The following ENOSF1 variants were observed in gnomAD, a reference collection of about 807,000 sequenced individuals.
The protein encoded by ENOSF1 is mitochondrial enolase superfamily member 1.
A neutral mutation model predicts 68.2 loss-of-function variants in ENOSF1; 73 were observed. The observed-to-expected ratio is 1.07, with a 90% CI of 0.89 to 1.30. The LOEUF is 1.30. ENOSF1 is among the 50% of genes most tolerant of loss of function. ENOSF1 has a pLI of 0.00. For synonymous variants in ENOSF1, 223 were observed against 210.4 expected (o/e 1.06, Z -0.52); for missense variants, 589 against 554.5 (o/e 1.06, Z -0.62).
chr18:677,457 C>A lies in ENOSF1; in HGVS notation c.1049-13G>T, dbSNP rs775312561. 7 of 1,609,386 alleles carry A rather than the reference C, an allele frequency of 4.3e-6. No individual in the cohort carries two copies. Among genetic ancestry groups the A allele is most frequent in the Non-Finnish European group, 5.9e-6 (7 of 1,178,134 alleles). On this transcript the variant is annotated splice_polypyrimidine_tract_variant and intron_variant, in intron 13 of 15. Transcript: ENST00000647584. The stretch of plus-strand genomic sequence containing the variant: ...GGGCAAACAGGAACTAAAAGGAAAT[C>A]GTTTCTATTTAATACCAAGAGTAGG...
chr18:693,206 C>T (rs1270641878), intron 5 of ENOSF1: 2 of 1,289,134 alleles, frequency 1.6e-6, no homozygotes, highest in South Asian at 1.2e-5. Context: ...AGAAAGAAAA[C>T]AGTCAAGTGC....
downstream of ENOSF1, among the ~76,000 whole-genome samples, chr18:668,104 C>A (rs1032699621): frequency 2.0e-5 from 3 of 149,434 alleles, no homozygotes; most frequent in African/African-American, 7.4e-5. Context: ...TTGGTGCATT[C>A]CTCAGAGTTG....
In ENOSF1 at chr18:673,710, GTTTTT is replaced by G. The variant is rs10610259; in HGVS notation, c.*590_*594del. On this transcript the variant is annotated 3_prime_UTR_variant, in exon 16 of 16. Transcript: ENST00000647584. ...AAATATAATGACCATTTAGGATAGA[GTTTTT>G]TTTTTTTTTTTTTAAACTTTTATAA... is the stretch of plus-strand genomic sequence containing the variant. The G allele has an allele frequency of 1.0e-3, 145 of 138,804 alleles. No homozygotes were observed. The highest frequency in any genetic ancestry group is 3.5e-3 in the African/African-American group (133 of 38,164). 8.6% of individuals were successfully genotyped at this position (138,804 alleles called of 1,614,324 possible). A position where few individuals can be genotyped will look rare whatever the true frequency, so the allele number is the denominator to read the frequency against.
intron 12 of ENOSF1, 68 bp from the exon 13 acceptor site, chr18:677,940 G>A (rs2075680663): frequency 1.3e-6 from 2 of 1,538,656 alleles, no homozygotes; most frequent in Admixed American, 1.9e-5. Flanking sequence ...TCTAAACCTG[G>A]CAACGCAGCC....
At chr18:682,251 A>ACC (rs2076148099) in intron 11 of ENOSF1, among the ~76,000 whole-genome samples, 1 of 152,042 alleles carries the variant, frequency 6.6e-6, no homozygotes, top group Non-Finnish European at 1.5e-5. Flanking sequence ...GATGGTAGAG[A>ACC]CTACTACACG....
rs879104575 is a variant in ENOSF1, at chr18:671,342, A to G, written c.*2963T>C. On this transcript the variant is annotated 3_prime_UTR_variant, in exon 16 of 16. Transcript: ENST00000647584. ...TTAAATGATGTTTTAAAGAATTGAA[A>G]CTAACATACTGTTCTGCTTTCTCCC... 3 of 1,323,404 alleles carry G rather than the reference A, an allele frequency of 2.3e-6. No individual in the cohort carries two copies. The South Asian group carries it at 3.5e-5, about 16-fold the overall frequency. 82.0% of individuals were successfully genotyped at this position (1,323,404 alleles called of 1,614,324 possible).
chr18:664,389 G>C, the ENOSF1 span, among the ~76,000 whole-genome samples: 1 of 147,036 alleles, frequency 6.8e-6, no homozygotes, highest in African/African-American at 2.6e-5. Flanking sequence ...CTTTGCTGAA[G>C]TTGCTTATCA....
chr18:697,098 CAG>C, intron 3 of ENOSF1, 140 bp downstream of exon 3: 2 of 679,830 alleles, frequency 2.9e-6, no homozygotes, highest in South Asian at 1.6e-5. Context: ...ACGTGGGTGA[CAG>C]AGTGAGACTC....
At chr18:669,486 C>T (rs183830515), downstream of ENOSF1, 51 of 213,776 alleles carry the variant, frequency 2.4e-4, no homozygotes, top group Non-Finnish European at 2.8e-5. Flanking sequence ...GATTCTCCTG[C>T]CTCAGCCTCC....
At chr18:704,440 GAAAAAAAA>G (rs11429267) in intron 2 of ENOSF1, among the ~76,000 whole-genome samples, 3 of 97,254 alleles carry the variant, frequency 3.1e-5, no homozygotes, top group African/African-American at 7.6e-5. Context: ...AAAAAGAAAA[GAAAAAAAA>G]AAAAAAAAAG....
rs2075176303 is a variant in ENOSF1 at position 673,564 on chromosome 18, C to G, written c.*741G>C. The G allele has an allele frequency of 1.6e-5, 3 of 182,746 alleles. No homozygotes were observed. The highest frequency in any genetic ancestry group is 1.2e-4 in the Admixed American group (2 of 16,034). 11.3% of individuals were successfully genotyped at this position (182,746 alleles called of 1,614,324 possible). A position where few individuals can be genotyped will look rare whatever the true frequency, so the allele number is the denominator to read the frequency against. On this transcript the variant is annotated 3_prime_UTR_variant, in exon 16 of 16. Transcript: ENST00000647584. ...TTCCTTCCTAAAATAGATTAAAGAA[C>G]TCTCCTTAAGTAAACATGTGCTGTA... is the stretch of plus-strand genomic sequence containing the variant.
In ENOSF1 at chr18:681,301, C is replaced by A. The variant is rs573816664; in HGVS notation, c.876+1945G>T. Among the ~76,000 whole-genome samples the A allele has an allele frequency of 1.8e-4, 27 of 152,364 alleles. No homozygotes were observed. In the South Asian group the frequency reaches 2.1e-3, roughly 12 times the overall value. On this transcript the variant is annotated intron_variant, in intron 11 of 15. Transcript: ENST00000647584. ...CCCTGTGCTCCCTGGGGCATCTCCA[C>A]TGCCCCCGCCTGGACCTGCAGGCTC... is the stretch of plus-strand genomic sequence containing the variant.
At chr18:666,363 A>T (rs1224191305), downstream of ENOSF1, among the ~76,000 whole-genome samples, 4 of 152,022 alleles carry the variant, frequency 2.6e-5, no homozygotes, top group Non-Finnish European at 5.9e-5. Flanking sequence ...GCTGCTGTGA[A>T]GCGCAGTGCC....
chr18:679,820 G>A (rs991085516), intron 11 of ENOSF1, among the ~76,000 whole-genome samples: 1 of 152,152 alleles, frequency 6.6e-6, no homozygotes, highest in African/African-American at 2.4e-5. Flanking sequence ...CGCACAGGTA[G>A]CCTTGGTTCC....
chr18:681,442 C>A (rs2076065926), intron 11 of ENOSF1, among the ~76,000 whole-genome samples: 2 of 152,196 alleles, frequency 1.3e-5, no homozygotes, highest in Non-Finnish European at 2.9e-5. Flanking sequence ...AGGCAGAGAT[C>A]AGGTTGGTGC....
intron 1 of ENOSF1, 80 bp from the exon 2 acceptor site, chr18:706,658 G>C (rs886735239): frequency 9.6e-7 from 1 of 1,043,378 alleles, no homozygotes; most frequent in African/African-American, 1.6e-5. Context: ...GTCACATGAG[G>C]ACAGACAATG....
chr18:669,358 C>T (rs571920625), downstream of ENOSF1: 1,158 of 463,494 alleles, frequency 2.5e-3, 5 homozygotes, highest in Non-Finnish European at 3.0e-3. Context: ...TGAGGTTGGG[C>T]CCAGAGGATT....
Position 688,750 on chromosome 18 carries a change from C to G in ENOSF1, c.619-142G>C, listed in dbSNP as rs2076868940. On this transcript the variant is annotated intron_variant, in intron 8 of 15. Transcript: ENST00000647584. ...ACCCATGTGTTGTTGAAATTAACAG[C>G]AGAAACAGCCTGGCTGACAGAGATC... The G allele has an allele frequency of 4.3e-6, 3 of 700,532 alleles. No homozygotes were observed. The Admixed American group carries it at 7.1e-5, about 17-fold the overall frequency. 43.4% of individuals were successfully genotyped at this position (700,532 alleles called of 1,614,324 possible).
In ENOSF1 at chr18:691,125, A is replaced by G; in HGVS notation, c.497-19T>C. The G allele has an allele frequency of 6.2e-7, 1 of 1,614,106 alleles. No homozygotes were observed. The highest frequency in any genetic ancestry group is 1.1e-5 in the South Asian group (1 of 91,080). ...AGTATTTCTGGAAGAAATAAAAAGC[A>G]TCACTCACTCTTTTAGGAAACAAAG... On this transcript the variant is annotated intron_variant, in intron 6 of 15. Coordinates refer to ENST00000647584, the MANE Select transcript of ENOSF1 (RefSeq NM_017512.7).
Sources: gnomAD v4.1 joint callset for allele counts (sites outside exome capture counted in the v4.1 genomes callset) on GRCh38, gnomAD v4.1.1 for gene constraint, MANE v1.5 for transcripts, NCBI Gene and HGNC (gene_info 2026-07-23, HGNC 2026-07-21) for gene names.